ITGBL1: variants seen among roughly 807,000 people sequenced by gnomAD.
The protein encoded by ITGBL1 is integrin subunit beta like 1, also known as integrin beta-like protein 1.
A neutral mutation model predicts 68.5 loss-of-function variants in ITGBL1; 51 were observed. That is an observed-to-expected ratio of 0.74 (90% CI 0.59 to 0.94). ITGBL1 has a LOEUF of 0.94. Ranked by LOEUF, ITGBL1 falls within the 40% of genes least tolerant of loss-of-function variation. The pLI, the probability that ITGBL1 is intolerant of heterozygous loss-of-function variation, is 0.00. For missense variants in ITGBL1, 649 were observed against 647.4 expected (o/e 1.00, Z -0.03); for synonymous variants, 209 against 227.3 (o/e 0.92, Z 0.72).
At chr13:101,525,459 T>C (rs1167036284) in intron 2 of ITGBL1, among the ~76,000 whole-genome samples, 1 of 140,074 alleles carries the variant, frequency 7.1e-6, no homozygotes, top group Non-Finnish European at 1.5e-5. Context: ...AGCTACATTT[T>C]CATCACCTCC....
At chr13:101,535,691 A>G (rs1303302786) in intron 2 of ITGBL1, among the ~76,000 whole-genome samples, 1 of 152,144 alleles carries the variant, frequency 6.6e-6, no homozygotes, top group Non-Finnish European at 1.5e-5. Context: ...ACAAACAACA[A>G]CAATGACAAT....
At chr13:101,494,477 A>C (rs1204492350) in intron 2 of ITGBL1, among the ~76,000 whole-genome samples, 1 of 152,232 alleles carries the variant, frequency 6.6e-6, no homozygotes, top group East Asian at 1.9e-4. Flanking sequence ...TATACAAATA[A>C]ATATATTTTT....
At chr13:101,467,912 G>A (rs1230976447) in intron 2 of ITGBL1, among the ~76,000 whole-genome samples, 1 of 152,048 alleles carries the variant, frequency 6.6e-6, no homozygotes, top group Non-Finnish European at 1.5e-5. Context: ...ATGAGTTTGG[G>A]CATTGCTTAA....
chr13:101,568,692 TGAGGATTTG>T (rs1321053718), intron 3 of ITGBL1, among the ~76,000 whole-genome samples: 1 of 152,008 alleles, frequency 6.6e-6, no homozygotes, highest in Non-Finnish European at 1.5e-5. Flanking sequence ...ATGCTAAAGG[TGAGGATTTG>T]ACTTCACGAA....
chr13:101,467,077 C>A (rs2048391908), intron 2 of ITGBL1, among the ~76,000 whole-genome samples: 1 of 152,260 alleles, frequency 6.6e-6, no homozygotes, highest in African/African-American at 2.4e-5. Context: ...CAGGCTCCCC[C>A]AAGCCTCTTT....
intron 7 of ITGBL1, among the ~76,000 whole-genome samples, chr13:101,604,473 A>C (rs2030572585): frequency 6.6e-6 from 1 of 151,808 alleles, no homozygotes; most frequent in Admixed American, 6.6e-5. Context: ...AAGCTTCATC[A>C]GTTTCCTTAC....
intron 7 of ITGBL1, among the ~76,000 whole-genome samples, chr13:101,599,712 C>T (rs957325797): frequency 6.6e-6 from 1 of 152,010 alleles, no homozygotes; most frequent in Non-Finnish European, 1.5e-5. Flanking sequence ...CCCATTTCTT[C>T]TTTTTGTCAG....
intron 2 of ITGBL1, among the ~76,000 whole-genome samples, chr13:101,454,955 A>G (rs1349596767): frequency 6.6e-6 from 1 of 152,188 alleles, no homozygotes; most frequent in African/African-American, 2.4e-5. Context: ...TCAGGTTCTG[A>G]TATTGGAAAG....
chr13:101,706,760 C>T lies in ITGBL1; in HGVS notation c.1137C>T (p.His379=), dbSNP rs142731281. 1.7e-4 allele frequency: 282 copies of T among 1,613,752 alleles called. 1 individual carries two copies. In the African/African-American group the frequency reaches 2.8e-3, roughly 16 times the overall value. ...EDLDGVVCGG[H]GTCSCGRCVC... ...TTTCCTGTGGTTGCTTCACAGGCCACGGCACATGTTCCTGTGGTCGCTGTG... is the reference window on the plus strand; with the variant it reads ...TTTCCTGTGGTTGCTTCACAGGCCATGGCACATGTTCCTGTGGTCGCTGTG... The change falls in exon 9 of 11, where the codon CAC becomes CAT. Residue 379 remains histidine, a synonymous_variant. Coordinates refer to ENST00000376180, the MANE Select transcript of ITGBL1 (RefSeq NM_004791.3).
At chr13:101,630,151 T>A in intron 7 of ITGBL1, among the ~76,000 whole-genome samples, 1 of 152,208 alleles carries the variant, frequency 6.6e-6, no homozygotes, top group Middle Eastern at 3.2e-3. Context: ...AATTTCAAAG[T>A]AAATTTTGAA....
At chr13:101,637,429 C>T (rs555457425) in intron 7 of ITGBL1, among the ~76,000 whole-genome samples, 7 of 151,000 alleles carry the variant, frequency 4.6e-5, no homozygotes, top group Admixed American at 6.6e-5. Flanking sequence ...CTGCAACCAC[C>T]GCCTCCTGGG....
rs566593460 is a variant in ITGBL1, at chr13:101,522,641, A to C, written c.317-45058A>C. 8.5e-5 allele frequency among the ~76,000 whole-genome samples: 13 copies of C among 152,320 alleles called. No individual in the cohort carries two copies. In the South Asian group the frequency reaches 2.5e-3, roughly 29 times the overall value. On this transcript the variant is annotated intron_variant, in intron 2 of 10. Transcript: ENST00000376180. ...GGCTATTATGTGGGACATTGACAGA[A>C]GTTTCCTCAGTCAGTACATATTTAC... is the stretch of plus-strand genomic sequence containing the variant.
At chr13:101,581,873 T>C (rs1202929759) in intron 5 of ITGBL1, among the ~76,000 whole-genome samples, 1 of 152,206 alleles carries the variant, frequency 6.6e-6, no homozygotes, top group Non-Finnish European at 1.5e-5. Flanking sequence ...TTGTACCATT[T>C]CGTACTCCCC....
At chr13:101,649,108 T>A (rs1404309650) in intron 7 of ITGBL1, among the ~76,000 whole-genome samples, 2 of 152,182 alleles carry the variant, frequency 1.3e-5, no homozygotes, top group African/African-American at 4.8e-5. Context: ...AAGAAATTGG[T>A]AATTTTAGTT....
At chr13:101,602,500 A>G (rs192029972) in intron 7 of ITGBL1, among the ~76,000 whole-genome samples, 7 of 152,202 alleles carry the variant, frequency 4.6e-5, no homozygotes, top group Non-Finnish European at 5.9e-5. Context: ...AAGAAAGGAA[A>G]CAAAGACTTT....
chr13:101,558,083 C>CA lies in ITGBL1; in HGVS notation c.317-9583dup, dbSNP rs568103738. ...TGGGAGACAGAGCAAAACTCCGTCT[C>CA]AAAAAAAAAAAAAAAAAAAAAAAAA... On this transcript the variant is annotated intron_variant, in intron 2 of 10. Coordinates refer to ENST00000376180, the MANE Select transcript of ITGBL1 (RefSeq NM_004791.3). Among the ~76,000 whole-genome samples, 120 of 71,636 alleles carry CA rather than the reference C, an allele frequency of 1.7e-3. 8 individuals are homozygous for CA. The highest frequency in any genetic ancestry group is 2.6e-3 in the Non-Finnish European group (105 of 39,894). 47.0% of individuals were successfully genotyped at this position (71,636 alleles called of 152,430 possible).
At chr13:101,524,869 G>C (rs895714907) in intron 2 of ITGBL1, among the ~76,000 whole-genome samples, 2 of 152,120 alleles carry the variant, frequency 1.3e-5, no homozygotes, top group African/African-American at 2.4e-5. Flanking sequence ...TCCTACTGTA[G>C]TATCAGGTAT....
At chr13:101,534,456 G>A (rs2049536044) in intron 2 of ITGBL1, among the ~76,000 whole-genome samples, 1 of 152,140 alleles carries the variant, frequency 6.6e-6, no homozygotes, top group African/African-American at 2.4e-5. Flanking sequence ...CCAAATCCAG[G>A]AGGAAATAGA....
At chr13:101,577,468 ATTG>A (rs2050381876) in intron 4 of ITGBL1, among the ~76,000 whole-genome samples, 2 of 152,180 alleles carry the variant, frequency 1.3e-5, no homozygotes, top group South Asian at 2.1e-4. Context: ...ATAGACGTGT[ATTG>A]TTACATAATT....
Sources: allele counts gnomAD v4.1 joint callset (sites outside exome capture counted in the v4.1 genomes callset), GRCh38; gene constraint gnomAD v4.1.1; transcripts MANE v1.5; gene names NCBI Gene and HGNC (gene_info 2026-07-23, HGNC 2026-07-21).